Variants in COX16 observed in about 807,000 individuals in gnomAD.
The protein encoded by COX16 is cytochrome c oxidase assembly factor COX16.
COX16 carries 12 observed loss-of-function variants against 15.4 expected under a neutral mutation model. That is an observed-to-expected ratio of 0.78 (90% confidence interval 0.50 to 1.26). The LOEUF (loss-of-function observed/expected upper bound fraction) is 1.26, where lower values mean the gene tolerates loss of function less well. COX16 is among the 50% of genes most tolerant of loss of function. COX16 has a pLI of 0.00. For synonymous variants in COX16, 46 were observed against 41.1 expected (o/e 1.12, Z -0.46); for missense variants, 124 against 127.6 (o/e 0.97, Z 0.14).
At chr14:70,342,810 A>G in intron 1 of COX16, 81 bp from the exon 2 acceptor site, 4 of 1,457,438 alleles carry the variant, frequency 2.7e-6, no homozygotes, top group Non-Finnish European at 3.8e-6. Context: ...GCTTTTCTAA[A>G]CAACAATAGA....
intron 2 of COX16, among the ~76,000 whole-genome samples, chr14:70,341,310 T>C (rs1040634835): frequency 2.0e-5 from 3 of 152,200 alleles, no homozygotes; most frequent in African/African-American, 7.2e-5. Context: ...CCCTAATACC[T>C]ACTGTCCTTA....
intron 3 of COX16, among the ~76,000 whole-genome samples, chr14:70,327,143 TTGAG>T (rs1364624942): frequency 8.7e-5 from 13 of 150,052 alleles, no homozygotes; most frequent in Admixed American, 6.7e-4. Context: ...TCTGAAATAA[TTGAG>T]TAAGATGGAA....
intron 2 of COX16, among the ~76,000 whole-genome samples, chr14:70,341,218 G>A (rs765985984): frequency 7.9e-5 from 12 of 152,162 alleles, no homozygotes; most frequent in Admixed American, 6.5e-5. Flanking sequence ...GTTGCTAACT[G>A]AAAATTAAGT....
chr14:70,344,737 T>C (rs1886723742), intron 1 of COX16, among the ~76,000 whole-genome samples: 1 of 152,088 alleles, frequency 6.6e-6, no homozygotes, highest in Non-Finnish European at 1.5e-5. Context: ...CAAGGCTACT[T>C]GTACCAGCAG....
intron 1 of COX16, among the ~76,000 whole-genome samples, chr14:70,351,897 T>C (rs965390060): frequency 1.3e-5 from 2 of 152,166 alleles, no homozygotes; most frequent in African/African-American, 4.8e-5. Flanking sequence ...TATATTTATA[T>C]AAAAAGGAAG....
At chr14:70,333,132 G>C (rs1253546111) in intron 2 of COX16, among the ~76,000 whole-genome samples, 1 of 152,178 alleles carries the variant, frequency 6.6e-6, no homozygotes, top group Non-Finnish European at 1.5e-5. Context: ...GACTTGCACA[G>C]ACTAAGATAA....
rs776977573 is a variant in COX16, at chr14:70,359,502, C to T, written c.69+17G>A. 5.6e-6 allele frequency: 9 copies of T among 1,611,218 alleles called. No individual in the cohort carries two copies. In the East Asian group the frequency reaches 1.3e-4, roughly 24 times the overall value. ...AGGGTCCCACCCCTTGCGGAAGATCCTCCTCACTCCACTCACCAACATGGG... is the reference window on the plus strand; with the variant it reads ...AGGGTCCCACCCCTTGCGGAAGATCTTCCTCACTCCACTCACCAACATGGG... On this transcript the variant is annotated intron_variant, in intron 1 of 3. Transcript: ENST00000389912.
chr14:70,335,976 G>A (rs544063744), intron 2 of COX16, among the ~76,000 whole-genome samples: 33 of 152,322 alleles, frequency 2.2e-4, no homozygotes, highest in African/African-American at 7.2e-4. Context: ...GCACAGTAGG[G>A]CCAGGTGTGG....
intron 1 of COX16, among the ~76,000 whole-genome samples, chr14:70,348,320 G>A (rs1423202029): frequency 1.3e-5 from 2 of 152,286 alleles, no homozygotes; most frequent in East Asian, 3.9e-4. Flanking sequence ...CCAACTGTAT[G>A]CTCTGTTCAT....
chr14:70,350,940 A>G (rs1489389575), intron 1 of COX16, among the ~76,000 whole-genome samples: 5 of 152,240 alleles, frequency 3.3e-5, no homozygotes, highest in Non-Finnish European at 5.9e-5. Flanking sequence ...CTGGACTTCA[A>G]ATATTTTTGC....
At chr14:70,350,286 A>G (rs1886910330) in intron 1 of COX16, among the ~76,000 whole-genome samples, 1 of 152,202 alleles carries the variant, frequency 6.6e-6, no homozygotes, top group Non-Finnish European at 1.5e-5. Context: ...GTTACAACTT[A>G]GCAATTACGT....
chr14:70,334,898 A>G (rs1886402642), intron 2 of COX16, among the ~76,000 whole-genome samples: 1 of 152,228 alleles, frequency 6.6e-6, no homozygotes, highest in Non-Finnish European at 1.5e-5. Context: ...CTCCAGTTAG[A>G]AAACAGAGTG....
chr14:70,343,171 C>T lies in COX16; in HGVS notation c.70-442G>A, dbSNP rs561555258. 5.6e-4 allele frequency among the ~76,000 whole-genome samples: 85 copies of T among 152,328 alleles called. 4 individuals carry two copies. The South Asian group carries it at 0.016, about 28-fold the overall frequency. ...CTCTGTAATTCCATTGCTATGCGAT[C>T]TTCCTTAGTAAGTAATGAAATTGAA... On this transcript the variant is annotated intron_variant, in intron 1 of 3. Transcript: ENST00000389912.
In COX16 at chr14:70,326,257, A is replaced by G; in HGVS notation, c.*76T>C. On this transcript the variant is annotated 3_prime_UTR_variant, in exon 4 of 4. Transcript: ENST00000389912. ...GCCTGGAATTTCCTTTCCACTTGAT[A>G]GAAGTATATATTAGGAAGTCCAGTT... The G allele has an allele frequency of 8.5e-7, 1 of 1,181,018 alleles. No individual in the cohort carries two copies. The highest frequency in any genetic ancestry group is 3.0e-5 in the East Asian group (1 of 33,074). The allele number at this position is 1,181,018 out of a possible 1,614,324, so 73.2% of individuals were successfully genotyped here. A position where few individuals can be genotyped will look rare whatever the true frequency, so the allele number is the denominator to read the frequency against.
Position 70,325,837 on chromosome 14 carries a change from T to C in COX16, c.*496A>G, listed in dbSNP as rs1886051282. 6.6e-6 allele frequency: 1 copy of C among 152,262 alleles called. No individual in the cohort carries two copies. The highest frequency in any genetic ancestry group is 1.5e-5 in the Non-Finnish European group (1 of 68,066). 9.4% of individuals were successfully genotyped at this position (152,262 alleles called of 1,614,324 possible). A position where few individuals can be genotyped will look rare whatever the true frequency, so the allele number is the denominator to read the frequency against. ...CTGATTATCATACTATGTGAGGCATTACAAAGAAAATCAAGACTCTTAGCA... is the reference window on the plus strand; with the variant it reads ...CTGATTATCATACTATGTGAGGCATCACAAAGAAAATCAAGACTCTTAGCA... On this transcript the variant is annotated 3_prime_UTR_variant, in exon 4 of 4. Coordinates refer to ENST00000389912, the MANE Select transcript of COX16 (RefSeq NM_016468.7).
intron 1 of COX16, among the ~76,000 whole-genome samples, chr14:70,346,015 G>C (rs2140730188): frequency 6.6e-6 from 1 of 152,014 alleles, no homozygotes; most frequent in South Asian, 2.1e-4. Context: ...AGTATTGCCT[G>C]TACCCATTCT....
intron 2 of COX16, among the ~76,000 whole-genome samples, chr14:70,338,103 A>G (rs1886512046): frequency 6.6e-6 from 1 of 152,194 alleles, no homozygotes; most frequent in Admixed American, 6.5e-5. Flanking sequence ...TCAGAAGATA[A>G]TTTGGCTTTT....
chr14:70,330,311 T>C (rs1262585105), intron 2 of COX16, among the ~76,000 whole-genome samples: 1 of 152,064 alleles, frequency 6.6e-6, no homozygotes, highest in Non-Finnish European at 1.5e-5. Flanking sequence ...AATACAACTT[T>C]CCAAAACTGA....
At chr14:70,335,603 TAA>T (rs58611844) in intron 2 of COX16, among the ~76,000 whole-genome samples, 15 of 136,748 alleles carry the variant, frequency 1.1e-4, no homozygotes, top group Admixed American at 2.9e-4. Context: ...ACCAAAGAGT[TAA>T]AAAAAAAAAA....
Sources: gnomAD v4.1 joint callset for allele counts (sites outside exome capture counted in the v4.1 genomes callset) on GRCh38, gnomAD v4.1.1 for gene constraint, MANE v1.5 for transcripts, NCBI Gene and HGNC (gene_info 2026-07-23, HGNC 2026-07-21) for gene names.